Variants in DENND1A observed in about 807,000 individuals in gnomAD.
DENND1A encodes DENN domain containing 1A, also known as DENN domain-containing protein 1A.
In DENND1A, 51 loss-of-function variants were observed where a neutral mutation model predicts 113.7. The observed-to-expected ratio is 0.45, with a 90% confidence interval of 0.36 to 0.57. The LOEUF (loss-of-function observed/expected upper bound fraction) is 0.57, where lower values mean the gene tolerates loss of function less well. Ranked by LOEUF, DENND1A falls within the 20% of genes least tolerant of loss-of-function variation. DENND1A has a pLI of 0.00. For synonymous variants in DENND1A, 565 were observed against 570.8 expected, an observed-to-expected ratio of 0.99 and a Z score of 0.14; for missense variants, 1,258 against 1,395.9, an observed-to-expected ratio of 0.90 and a Z score of 1.57.
rs1588965297 is a variant in DENND1A, at chr9:123,521,861, G to A, written c.993+35709C>T. 1.3e-5 allele frequency among the ~76,000 whole-genome samples: 2 copies of A among 152,256 alleles called. 1 individual carries two copies. The highest frequency in any genetic ancestry group is 4.2e-4 in the South Asian group (2 of 4,810). Reference sequence around the variant, plus strand: ...TGTAACAGGGATGCTACCATCCCCCGACCTATCCCGACCCACTGCCCAGTG... The same window carrying A: ...TGTAACAGGGATGCTACCATCCCCCAACCTATCCCGACCCACTGCCCAGTG... On this transcript the variant is annotated intron_variant, in intron 13 of 23. Coordinates refer to ENST00000394215, the MANE Select transcript of DENND1A (RefSeq NM_001352964.2).
At chr9:123,874,388 T>G (rs1029298945) in intron 2 of DENND1A, among the ~76,000 whole-genome samples, 1 of 152,094 alleles carries the variant, frequency 6.6e-6, no homozygotes, top group East Asian at 1.9e-4. Flanking sequence ...CAATTTCTTA[T>G]AAACCAATGA....
chr9:123,748,273 A>C (rs948106203), intron 5 of DENND1A, among the ~76,000 whole-genome samples: 2 of 152,230 alleles, frequency 1.3e-5, no homozygotes, highest in African/African-American at 4.8e-5. Context: ...ACCCTTAGTC[A>C]TTATCAGCAT....
At chr9:123,675,360 C>T (rs111719054) in intron 6 of DENND1A, among the ~76,000 whole-genome samples, 1,535 of 152,212 alleles carry the variant, frequency 0.01, 13 homozygotes, top group Non-Finnish European at 0.014. Flanking sequence ...GCACAGGCGA[C>T]CCAGGTTTCT....
intron 11 of DENND1A, among the ~76,000 whole-genome samples, chr9:123,587,878 C>T (rs557750893): frequency 3.6e-4 from 55 of 152,194 alleles, no homozygotes; most frequent in Non-Finnish European, 6.6e-4. Context: ...ACCCCTAATC[C>T]GATCGCTCAG....
rs1025204940 is a variant in DENND1A at position 123,928,504 on chromosome 9, T to G, written c.17+1385A>C. ...TTTTTACCTCCCAAGCCTCTCAAGC[T>G]CTTGTTTGGAGCATGCTTCTAACTT... On this transcript the variant is annotated intron_variant, in intron 1 of 23. Coordinates refer to ENST00000394215, the MANE Select transcript of DENND1A (RefSeq NM_001352964.2). 4 of 955,036 alleles carry G rather than the reference T, an allele frequency of 4.2e-6. No individual in the cohort carries two copies. In the African/African-American group the frequency reaches 7.1e-5, roughly 17 times the overall value. 59.2% of individuals were successfully genotyped at this position (955,036 alleles called of 1,614,324 possible).
intron 13 of DENND1A, among the ~76,000 whole-genome samples, chr9:123,474,332 A>T (rs533103090): frequency 6.6e-6 from 1 of 152,314 alleles, no homozygotes; most frequent in East Asian, 1.9e-4. Context: ...TTAAGGATCA[A>T]ATAATTACAG....
intron 13 of DENND1A, among the ~76,000 whole-genome samples, chr9:123,498,808 C>T (rs2052188553): frequency 6.6e-6 from 1 of 151,990 alleles, no homozygotes; most frequent in Admixed American, 6.6e-5. Flanking sequence ...TTGCAATCTC[C>T]ACTTCCTGGG....
At chr9:123,897,227 A>G (rs1588134539) in intron 1 of DENND1A, among the ~76,000 whole-genome samples, 1 of 152,312 alleles carries the variant, frequency 6.6e-6, no homozygotes, top group Admixed American at 6.5e-5. Flanking sequence ...AGAAGATTCT[A>G]ATTAAAAGTA....
intron 10 of DENND1A, among the ~76,000 whole-genome samples, chr9:123,618,331 C>T (rs2060760453): frequency 6.6e-6 from 1 of 152,206 alleles, no homozygotes; most frequent in African/African-American, 2.4e-5. Context: ...TACTGTGCCC[C>T]AGAATGTCCA....
chr9:123,864,884 T>G (rs555415323), intron 2 of DENND1A, among the ~76,000 whole-genome samples: 1 of 152,250 alleles, frequency 6.6e-6, no homozygotes, highest in East Asian at 1.9e-4. Context: ...ACACACTGAG[T>G]GCCTACTACA....
chr9:123,483,655 G>C (rs138994506), intron 13 of DENND1A, among the ~76,000 whole-genome samples: 344 of 152,252 alleles, frequency 2.3e-3, no homozygotes, highest in African/African-American at 8.1e-3. Context: ...GTGTGTCCTG[G>C]GGTGGCTCCG....
At chr9:123,659,763 C>T (rs1288504153) in intron 8 of DENND1A, among the ~76,000 whole-genome samples, 1 of 152,174 alleles carries the variant, frequency 6.6e-6, no homozygotes, top group African/African-American at 2.4e-5. Flanking sequence ...ATGTTCTTTC[C>T]ACTACACCAG....
At chr9:123,595,912 A>G (rs1190894149) in intron 11 of DENND1A, among the ~76,000 whole-genome samples, 1 of 152,170 alleles carries the variant, frequency 6.6e-6, no homozygotes, top group Admixed American at 6.5e-5. Context: ...CCACTCTGCC[A>G]TCCAGAACGG....
intron 5 of DENND1A, among the ~76,000 whole-genome samples, chr9:123,725,778 G>A (rs761610366): frequency 4.6e-5 from 7 of 152,198 alleles, no homozygotes; most frequent in East Asian, 1.9e-4. Context: ...TTGTGCTTTC[G>A]GGCTGTGACC....
intron 11 of DENND1A, among the ~76,000 whole-genome samples, chr9:123,597,234 C>T (rs904532339): frequency 4.6e-5 from 7 of 152,156 alleles, no homozygotes; most frequent in African/African-American, 9.7e-5. Flanking sequence ...TTAACAAGCA[C>T]GCTGAAACAT....
At chr9:123,792,258 A>AT (rs3841412) in intron 3 of DENND1A, among the ~76,000 whole-genome samples, 3,363 of 152,198 alleles carry the variant, frequency 0.022, 50 homozygotes, top group Non-Finnish European at 0.033. Context: ...CTGAAATAGC[A>AT]TTTTTTTAAA....
In DENND1A at chr9:123,886,065, A is replaced by T. The variant is rs557993685; in HGVS notation, c.18-7044T>A. 7.2e-5 allele frequency among the ~76,000 whole-genome samples: 11 copies of T among 152,368 alleles called. No homozygotes were observed. The South Asian group carries it at 2.3e-3, about 32-fold the overall frequency. ...AGTTCTGGGATTACAGGCGTGAGCCACCACACCCAGCCAGGACCATGTTCT... is the reference window on the plus strand; with the variant it reads ...AGTTCTGGGATTACAGGCGTGAGCCTCCACACCCAGCCAGGACCATGTTCT... On this transcript the variant is annotated intron_variant, in intron 1 of 23. Coordinates refer to ENST00000394215, the MANE Select transcript of DENND1A (RefSeq NM_001352964.2).
chr9:123,547,288 G>A (rs182682627), intron 13 of DENND1A, among the ~76,000 whole-genome samples: 1 of 152,376 alleles, frequency 6.6e-6, no homozygotes, highest in African/African-American at 2.4e-5. Flanking sequence ...CCAGCACTTT[G>A]GGAGGCCAAG....
intron 13 of DENND1A, among the ~76,000 whole-genome samples, chr9:123,544,615 T>TA (rs2056524781): frequency 1.3e-5 from 2 of 152,222 alleles, no homozygotes; most frequent in Admixed American, 1.3e-4. Flanking sequence ...CAATCTTTCC[T>TA]AGCCTCAGTT....
Sources: allele counts gnomAD v4.1 joint callset (sites outside exome capture counted in the v4.1 genomes callset), GRCh38; gene constraint gnomAD v4.1.1; transcripts MANE v1.5; gene names NCBI Gene and HGNC (gene_info 2026-07-23, HGNC 2026-07-21).